The following CDH17 variants were observed in gnomAD, a reference collection of about 807,000 sequenced individuals.
The protein encoded by CDH17 is cadherin-17.
Under a neutral mutation model 86.3 loss-of-function variants are expected in CDH17, and 67 were observed. The ratio of observed to expected loss-of-function variants is 0.78; its 90% CI spans 0.64 to 0.95. The LOEUF (loss-of-function observed/expected upper bound fraction) is 0.95, where lower values mean the gene tolerates loss of function less well. CDH17 is among the 40% of genes least tolerant of loss of function. The pLI is 0.00. For synonymous variants in CDH17, 367 were observed against 366.4 expected (o/e 1.00, Z -0.02); for missense variants, 993 against 1,017.6 (o/e 0.98, Z 0.33).
chr8:94,147,617 T>G (rs1356830884), intron 14 of CDH17, among the ~76,000 whole-genome samples: 1 of 152,252 alleles, frequency 6.6e-6, no homozygotes, highest in Non-Finnish European at 1.5e-5. Flanking sequence ...ATCAACAGAT[T>G]TCCTACTTGT....
chr8:94,135,024 C>G (rs887564435), intron 15 of CDH17, among the ~76,000 whole-genome samples: 2 of 152,056 alleles, frequency 1.3e-5, no homozygotes, highest in East Asian at 3.8e-4. Context: ...GTCTGAGAGA[C>G]AGTTTGTTGT....
At chr8:94,190,125 A>C (rs2613221) in intron 2 of CDH17, among the ~76,000 whole-genome samples, 112,620 of 152,074 alleles carry the variant, frequency 0.74, 42,611 homozygotes, top group African/African-American at 0.81. Context: ...ATCCTGACAA[A>C]AACTCTGGCA....
intron 15 of CDH17, among the ~76,000 whole-genome samples, chr8:94,142,732 C>A (rs1812664256): frequency 6.7e-6 from 1 of 148,412 alleles, no homozygotes; most frequent in Admixed American, 6.9e-5. Context: ...GAAGCAGATT[C>A]CATTGTTCAA....
chr8:94,142,437 T>A (rs1812658342), intron 15 of CDH17, among the ~76,000 whole-genome samples: 1 of 152,220 alleles, frequency 6.6e-6, no homozygotes, highest in Admixed American at 6.5e-5. Flanking sequence ...TTGCTGCAAA[T>A]CATTTCCTGT....
chr8:94,182,975 C>CA (rs551011029), intron 3 of CDH17, among the ~76,000 whole-genome samples: 5 of 151,840 alleles, frequency 3.3e-5, no homozygotes, highest in Non-Finnish European at 4.4e-5. Flanking sequence ...AATAGCAACC[C>CA]AAAAATGATA....
intron 2 of CDH17, among the ~76,000 whole-genome samples, chr8:94,192,151 C>A (rs920469790): frequency 6.6e-6 from 1 of 152,202 alleles, no homozygotes; most frequent in Non-Finnish European, 1.5e-5. Flanking sequence ...TTCAAAGTTG[C>A]GTGCTTGTAT....
chr8:94,141,953 C>T (rs1563566687), intron 15 of CDH17, among the ~76,000 whole-genome samples: 1 of 152,134 alleles, frequency 6.6e-6, no homozygotes, highest in East Asian at 1.9e-4. Flanking sequence ...GATTTCAAGC[C>T]TTATACAGCT....
intron 3 of CDH17, among the ~76,000 whole-genome samples, chr8:94,180,656 G>T (rs896653535): frequency 6.6e-6 from 1 of 152,238 alleles, no homozygotes; most frequent in Non-Finnish European, 1.5e-5. Flanking sequence ...CAGCACTTTG[G>T]GAGGCTGAGG....
intron 5 of CDH17, among the ~76,000 whole-genome samples, chr8:94,174,697 G>A (rs1813338470): frequency 6.6e-6 from 1 of 152,082 alleles, no homozygotes; most frequent in Admixed American, 6.6e-5. Context: ...TTCCTCTCTT[G>A]TCCAACTGCA....
intron 1 of CDH17, among the ~76,000 whole-genome samples, chr8:94,196,162 C>A (rs1245194680): frequency 6.6e-6 from 1 of 152,196 alleles, no homozygotes. Context: ...TCATCTTATT[C>A]TTTAAAGTTT....
At chr8:94,138,824 G>A (rs989382967) in intron 15 of CDH17, among the ~76,000 whole-genome samples, 5 of 152,144 alleles carry the variant, frequency 3.3e-5, no homozygotes, top group Non-Finnish European at 7.3e-5. Flanking sequence ...AATAAATGCT[G>A]CCCTGGCCCT....
At chr8:94,175,825 C>T (rs1337657112) in intron 5 of CDH17, among the ~76,000 whole-genome samples, 2 of 152,138 alleles carry the variant, frequency 1.3e-5, no homozygotes, top group Non-Finnish European at 2.9e-5. Flanking sequence ...GGGGAGTAAG[C>T]TTACCTTTCT....
intron 5 of CDH17, 94 bp from the exon 6 acceptor site, chr8:94,174,354 A>T (rs1185552900): frequency 2.4e-6 from 3 of 1,237,256 alleles, no homozygotes; most frequent in African/African-American, 1.5e-5. Flanking sequence ...AAAAGTGGAG[A>T]TATAATAGGG....
chr8:94,163,935 T>G (rs1375769383), intron 10 of CDH17, among the ~76,000 whole-genome samples: 1 of 152,210 alleles, frequency 6.6e-6, no homozygotes, highest in African/African-American at 2.4e-5. Flanking sequence ...AGGCCTTCCC[T>G]GGTTTTATGT....
rs779497770 is a variant in CDH17 at position 94,148,725 on chromosome 8, T to TC, written c.1927+18_1927+19insG. ...AATCTGTGTTCCTTTTTTTTTGTTT[T>TC]TTTTTTTTTTTTGCTTACCTACTTC... On this transcript the variant is annotated intron_variant, in intron 14 of 17. Coordinates refer to ENST00000027335, the MANE Select transcript of CDH17 (RefSeq NM_004063.4). 1.1e-4 allele frequency: 157 copies of TC among 1,386,896 alleles called. No homozygotes were observed. The highest frequency in any genetic ancestry group is 2.7e-4 in the Admixed American group (9 of 33,588). 85.9% of individuals were successfully genotyped at this position (1,386,896 alleles called of 1,614,324 possible).
intron 1 of CDH17, among the ~76,000 whole-genome samples, chr8:94,199,070 TATATATATA>T (rs1288365908): frequency 6.0e-3 from 101 of 16,928 alleles, no homozygotes; most frequent in Middle Eastern, 0.056. Flanking sequence ...TATATATATA[TATATATATA>T]TATATTTTTT....
chr8:94,209,310 T>C (rs1814085458), upstream of CDH17, among the ~76,000 whole-genome samples: 1 of 152,222 alleles, frequency 6.6e-6, no homozygotes, highest in Non-Finnish European at 1.5e-5. Flanking sequence ...CTTTGGTCAC[T>C]CTGGGAATCC....
At chr8:94,163,554 G>A (rs1448067762) in intron 10 of CDH17, among the ~76,000 whole-genome samples, 3 of 152,230 alleles carry the variant, frequency 2.0e-5, no homozygotes, top group Non-Finnish European at 4.4e-5. Flanking sequence ...AGGTTTTAGG[G>A]CAGAAAATGC....
At chr8:94,139,356 C>G (rs772809925) in intron 15 of CDH17, among the ~76,000 whole-genome samples, 14 of 152,038 alleles carry the variant, frequency 9.2e-5, no homozygotes, top group African/African-American at 2.7e-4. Context: ...CATGTGTAAT[C>G]GAATTCCTGA....
Sources: gnomAD v4.1 joint callset for allele counts (sites outside exome capture counted in the v4.1 genomes callset) on GRCh38, gnomAD v4.1.1 for gene constraint, MANE v1.5 for transcripts, NCBI Gene and HGNC (gene_info 2026-07-23, HGNC 2026-07-21) for gene names.